The following SCGB1D2 variants were observed in gnomAD, a reference collection of about 807,000 sequenced individuals.
SCGB1D2 encodes the protein secretoglobin family 1D member 2.
Under a neutral mutation model 10.5 loss-of-function variants are expected in SCGB1D2, and 10 were observed. The observed-to-expected ratio is 0.95, with a 90% CI of 0.59 to 1.61. SCGB1D2 has a LOEUF of 1.61. Among genes scored for constraint, SCGB1D2 ranks in the 40% most tolerant of loss-of-function variants. SCGB1D2 has a pLI of 0.00. For missense variants in SCGB1D2, 113 were observed against 103.8 expected (o/e 1.09, Z -0.38); for synonymous variants, 42 against 42.8 (o/e 0.98, Z 0.08).
chr11:62,243,250 T>C (rs1945078517), intron 1 of SCGB1D2, 39 bp from the exon 2 acceptor site: 6 of 1,575,764 alleles, frequency 3.8e-6, no homozygotes, highest in Non-Finnish European at 5.2e-6. Context: ...AAAAATCGAC[T>C]TTCCTAACAT....
intron 2 of SCGB1D2, 39 bp downstream of exon 2, chr11:62,243,515 A>G: frequency 1.9e-6 from 3 of 1,558,170 alleles, no homozygotes; most frequent in Non-Finnish European, 2.6e-6. Flanking sequence ...GCTTCTGGTC[A>G]GCTGCACAGT....
chr11:62,243,725 G>A (rs974585646), intron 2 of SCGB1D2, among the ~76,000 whole-genome samples: 11 of 152,128 alleles, frequency 7.2e-5, no homozygotes, highest in Non-Finnish European at 1.5e-4. Context: ...TCCCCAGAGT[G>A]TGCTGAGGAC....
chr11:62,243,265 T>G, intron 1 of SCGB1D2, 24 bp from the exon 2 acceptor site: 1 of 1,601,776 alleles, frequency 6.2e-7, no homozygotes, highest in Non-Finnish European at 8.5e-7. Flanking sequence ...TAACATCAAC[T>G]ATATTTTTAT....
intron 1 of SCGB1D2, 78 bp downstream of exon 1, chr11:62,242,440 T>G: frequency 1.3e-6 from 2 of 1,495,630 alleles, no homozygotes; most frequent in Non-Finnish European, 9.3e-7. Context: ...CTATTCAGGC[T>G]GGGGTTAGGA....
Position 62,243,398 on chromosome 11 carries a change from T to A in SCGB1D2, c.165T>A (p.Ala55=). 1 of 1,614,148 alleles carries A rather than the reference T, an allele frequency of 6.2e-7. No homozygotes were observed. Among genetic ancestry groups the A allele is most frequent in the Middle Eastern group, 1.6e-4 (1 of 6,062 alleles). Residue 55 remains alanine (A), a synonymous_variant, in exon 2 of 3, where the codon GCT becomes GCA. Transcript: ENST00000244926. ...CCAAATTTGATGCCCCTCCGGAAGC[T>A]GTTGCAGCCAAGTTAGGAGTGAAGA... ...SLAKFDAPPE[A]VAAKLGVKRC...
rs558194195 is a variant in SCGB1D2, at chr11:62,243,965, C to T, written c.243+489C>T. Among the ~76,000 whole-genome samples the T allele has an allele frequency of 2.6e-5, 4 of 152,192 alleles. No individual in the cohort carries two copies. The South Asian group carries it at 8.3e-4, about 32-fold the overall frequency. ...AGGCTGGACTTCTCTGCAGCTTCTG[C>T]AGAGCCAGGAAGGAGCCCCTCCCAG... On this transcript the variant is annotated intron_variant, in intron 2 of 2. Coordinates refer to ENST00000244926, the MANE Select transcript of SCGB1D2 (RefSeq NM_006551.4).
chr11:62,243,489 T>G lies in SCGB1D2; in HGVS notation c.243+13T>G. The stretch of plus-strand genomic sequence containing the variant: ...TGCGGAAGTCCTGGTAACTTCTTTC[T>G]CCTTTATTTGTTAAGGCTTCTGGTC... On this transcript the variant is annotated intron_variant, in intron 2 of 2. Coordinates refer to ENST00000244926, the MANE Select transcript of SCGB1D2 (RefSeq NM_006551.4). 1 of 1,607,474 alleles carries G rather than the reference T, an allele frequency of 6.2e-7. No individual in the cohort carries two copies. Among genetic ancestry groups the G allele is most frequent in the African/African-American group, 1.3e-5 (1 of 74,822 alleles).
chr11:62,244,433 G>T (rs1443855834), intron 2 of SCGB1D2, among the ~76,000 whole-genome samples: 1 of 152,112 alleles, frequency 6.6e-6, no homozygotes, highest in East Asian at 1.9e-4. Context: ...TGAGGATCCT[G>T]GGCCTCATTC....
chr11:62,243,717 C>T (rs545692214), intron 2 of SCGB1D2, among the ~76,000 whole-genome samples: 1 of 152,134 alleles, frequency 6.6e-6, no homozygotes, highest in East Asian at 1.9e-4. Context: ...ATGCCATGTC[C>T]CCAGAGTGTG....
In SCGB1D2 at chr11:62,244,549, G is replaced by T. The variant is rs1010325102; in HGVS notation, c.244-121G>T. ...AGGCCTCAGTTTCCCAAACTGAGTT[G>T]TTGCCTCTGCCCTTCCAATTGCCTT... is the stretch of plus-strand genomic sequence containing the variant. On this transcript the variant is annotated intron_variant, in intron 2 of 2. Transcript: ENST00000244926. 1.8e-5 allele frequency: 15 copies of T among 835,038 alleles called. No individual in the cohort carries two copies. In the African/African-American group the frequency reaches 2.6e-4, roughly 14 times the overall value. 51.7% of individuals were successfully genotyped at this position (835,038 alleles called of 1,614,324 possible).
Position 62,243,480 on chromosome 11 carries a change from A to C in SCGB1D2, c.243+4A>C, listed in dbSNP as rs377688329. 6.2e-7 allele frequency: 1 copy of C among 1,610,302 alleles called. No homozygotes were observed. Among genetic ancestry groups the C allele is most frequent in the Non-Finnish European group, 8.5e-7 (1 of 1,177,866 alleles). ...AAGCCTCATTGCGGAAGTCCTGGTA[A>C]CTTCTTTCTCCTTTATTTGTTAAGG... On this transcript the variant is annotated splice_donor_region_variant and intron_variant, in intron 2 of 2. Transcript: ENST00000244926.
intron 1 of SCGB1D2, among the ~76,000 whole-genome samples, chr11:62,242,737 C>T (rs1467127866): frequency 6.6e-6 from 1 of 152,144 alleles, no homozygotes; most frequent in East Asian, 1.9e-4. Context: ...TGGTAGTTAG[C>T]GCTTCTGCCA....
In SCGB1D2 at chr11:62,243,460, T is replaced by C. The variant is rs1945081134; in HGVS notation, c.227T>C (p.Leu76Pro). ...CAGATGTCCCTTCAGAAACGAAGCC[T>C]CATTGCGGAAGTCCTGGTAACTTCT... ...TDQMSLQKRS[L>P]IAEVLVKILK... Residue 76 changes from leucine to proline, a missense_variant, in exon 2 of 3, where the codon CTC (leucine) becomes CCC (proline). Physicochemically the swap from Leu to Pro is moderately conservative, Grantham distance 98. Transcript: ENST00000244926. The C allele has an allele frequency of 6.2e-7, 1 of 1,613,136 alleles. No individual in the cohort carries two copies. The highest frequency in any genetic ancestry group is 1.3e-5 in the African/African-American group (1 of 75,018).
intron 2 of SCGB1D2, among the ~76,000 whole-genome samples, chr11:62,244,400 C>T (rs1205433318): frequency 1.3e-5 from 2 of 152,174 alleles, no homozygotes; most frequent in Non-Finnish European, 2.9e-5. Context: ...GCTGCTCTCT[C>T]CAACCCTCGT....
chr11:62,243,977 G>A (rs371575206), intron 2 of SCGB1D2, among the ~76,000 whole-genome samples: 1 of 152,132 alleles, frequency 6.6e-6, no homozygotes, highest in East Asian at 1.9e-4. Context: ...GAGCCAGGAA[G>A]GAGCCCCTCC....
intron 2 of SCGB1D2, 122 bp downstream of exon 2, chr11:62,243,598 G>A: frequency 2.4e-6 from 2 of 816,404 alleles, no homozygotes; most frequent in Non-Finnish European, 3.9e-6. Flanking sequence ...GTCACCTCTT[G>A]AGAAGGTCAC....
intron 2 of SCGB1D2, 68 bp from the exon 3 acceptor site, chr11:62,244,602 G>A: frequency 6.9e-7 from 1 of 1,443,296 alleles, no homozygotes. Context: ...TGGCCTCTTG[G>A]ATGTGAGCCT....
chr11:62,243,829 T>C (rs377692158), intron 2 of SCGB1D2, among the ~76,000 whole-genome samples: 3 of 152,038 alleles, frequency 2.0e-5, no homozygotes, highest in African/African-American at 4.8e-5. Flanking sequence ...ACTGCCCTCA[T>C]GTAATGGACA....
chr11:62,243,211 G>C (rs919317850), intron 1 of SCGB1D2, 78 bp from the exon 2 acceptor site: 1 of 1,155,868 alleles, frequency 8.7e-7, no homozygotes, highest in Non-Finnish European at 1.3e-6. Flanking sequence ...AGGGGATCCT[G>C]TCTGGTCTAA....
Sources: allele counts gnomAD v4.1 joint callset (sites outside exome capture counted in the v4.1 genomes callset), GRCh38; gene constraint gnomAD v4.1.1; transcripts MANE v1.5; gene names NCBI Gene and HGNC (gene_info 2026-07-23, HGNC 2026-07-21).